Variants in TRDN observed in about 807,000 individuals in gnomAD.
TRDN encodes triadin in skeletal muscle.
A neutral mutation model predicts 149.7 loss-of-function variants in TRDN; 161 were observed. That is an observed-to-expected ratio of 1.08 (90% CI 0.95 to 1.23). The LOEUF (loss-of-function observed/expected upper bound fraction) is 1.23, where lower values mean the gene tolerates loss of function less well. Ranked by LOEUF, TRDN falls within the 50% of genes most tolerant of loss-of-function variation. TRDN has a pLI of 0.00. For synonymous variants in TRDN, 294 were observed against 250.5 expected (o/e 1.17, Z -1.64); for missense variants, 896 against 823.5 (o/e 1.09, Z -1.08).
intron 2 of TRDN, among the ~76,000 whole-genome samples, chr6:123,560,150 G>A (rs989043559): frequency 2.0e-5 from 3 of 152,168 alleles, no homozygotes; most frequent in African/African-American, 7.2e-5. Flanking sequence ...AATACTTTTA[G>A]AGACCCTCAA....
chr6:123,605,463 C>T (rs1396485421), intron 1 of TRDN, among the ~76,000 whole-genome samples: 2 of 151,632 alleles, frequency 1.3e-5, no homozygotes, highest in African/African-American at 4.8e-5. Context: ...TGATTCAAGA[C>T]GGTTTAGTGA....
chr6:123,227,682 C>T lies in TRDN; in HGVS notation c.1976-3551G>A, dbSNP rs1296200675. Among the ~76,000 whole-genome samples, 4 of 151,918 alleles carry T rather than the reference C, an allele frequency of 2.6e-5. No homozygotes were observed. The South Asian group carries it at 6.2e-4, about 24-fold the overall frequency. ...TTAAGTTATTTCATATGTGTTAACA[C>T]GTTTGATCCTGAACAACAACCATAT... On this transcript the variant is annotated intron_variant, in intron 38 of 40. Transcript: ENST00000334268.
At chr6:123,450,261 C>T (rs1228090951) in intron 10 of TRDN, among the ~76,000 whole-genome samples, 1 of 152,114 alleles carries the variant, frequency 6.6e-6, no homozygotes. Flanking sequence ...TGTAAACGGC[C>T]TAAATGCTCC....
chr6:123,499,699 G>T (rs1778598161), intron 8 of TRDN, among the ~76,000 whole-genome samples: 1 of 9,904 alleles, frequency 1.0e-4, no homozygotes, highest in Non-Finnish European at 2.3e-4. Context: ...GTGAGATTCT[G>T]GCTCAAAAAA....
At chr6:123,339,930 A>G (rs1269358166) in intron 21 of TRDN, among the ~76,000 whole-genome samples, 1 of 152,172 alleles carries the variant, frequency 6.6e-6, no homozygotes, top group African/African-American at 2.4e-5. Context: ...AATACAGATT[A>G]TGATCAAAAT....
At chr6:123,348,198 G>T (rs924514702) in intron 21 of TRDN, among the ~76,000 whole-genome samples, 1 of 151,962 alleles carries the variant, frequency 6.6e-6, no homozygotes, top group African/African-American at 2.4e-5. Flanking sequence ...TTAAAGCATT[G>T]CTTTACAACT....
chr6:123,249,677 A>G (rs1776307405), intron 38 of TRDN, among the ~76,000 whole-genome samples: 2 of 152,182 alleles, frequency 1.3e-5, no homozygotes, highest in African/African-American at 2.4e-5. Context: ...AATAACTGAA[A>G]CAGAAAATCA....
intron 23 of TRDN, among the ~76,000 whole-genome samples, chr6:123,317,392 C>T (rs1410322921): frequency 6.6e-6 from 1 of 151,848 alleles, no homozygotes; most frequent in East Asian, 1.9e-4. Flanking sequence ...ATGCTACCAG[C>T]TTTATTTGGG....
At chr6:123,243,066 C>T (rs931228601) in intron 38 of TRDN, among the ~76,000 whole-genome samples, 3 of 152,006 alleles carry the variant, frequency 2.0e-5, no homozygotes, top group Non-Finnish European at 2.9e-5. Flanking sequence ...TCATGATGTG[C>T]CCCGAAGACA....
intron 12 of TRDN, among the ~76,000 whole-genome samples, chr6:123,408,666 G>T (rs1330416932): frequency 2.9e-5 from 4 of 138,692 alleles, no homozygotes; most frequent in Admixed American, 1.5e-4. Flanking sequence ...GGACAAGAGT[G>T]AGACTTTTTC....
chr6:123,281,544 T>C (rs961790646), intron 24 of TRDN, among the ~76,000 whole-genome samples: 1 of 152,094 alleles, frequency 6.6e-6, no homozygotes, highest in Non-Finnish European at 1.5e-5. Context: ...CATAGTCATA[T>C]TTCTTTCTGA....
intron 1 of TRDN, among the ~76,000 whole-genome samples, chr6:123,628,791 G>T (rs545169253): frequency 1.3e-5 from 2 of 151,992 alleles, no homozygotes; most frequent in African/African-American, 2.4e-5. Flanking sequence ...TGTCCACATT[G>T]TCAGGCATTC....
Position 123,591,402 on chromosome 6 carries a change from C to T in TRDN, c.23-20270G>A, listed in dbSNP as rs569744137. The stretch of plus-strand genomic sequence containing the variant: ...CTGGGATTACAGGCATGCCCCACCA[C>T]GCCCAGCTAATTTTTGTATTTTTAG... On this transcript the variant is annotated intron_variant, in intron 1 of 40. Transcript: ENST00000334268. Among the ~76,000 whole-genome samples, 45 of 152,192 alleles carry T rather than the reference C, an allele frequency of 3.0e-4. 1 individual carries two copies. Among genetic ancestry groups the T allele is most frequent in the Non-Finnish European group, 4.9e-4 (33 of 68,004 alleles).
chr6:123,303,166 G>A (rs1411258415), intron 24 of TRDN, among the ~76,000 whole-genome samples: 2 of 152,084 alleles, frequency 1.3e-5, no homozygotes, highest in East Asian at 3.9e-4. Flanking sequence ...CATATCAATT[G>A]TCCCAGAGCT....
chr6:123,312,811 T>A (rs1778876594), intron 24 of TRDN, among the ~76,000 whole-genome samples: 1 of 152,032 alleles, frequency 6.6e-6, no homozygotes, highest in Non-Finnish European at 1.5e-5. Context: ...TAGCCATCTT[T>A]CGATAGCTCA....
chr6:123,222,053 C>T (rs577405551), intron 39 of TRDN, among the ~76,000 whole-genome samples: 27 of 151,752 alleles, frequency 1.8e-4, no homozygotes, highest in South Asian at 1.5e-3. Flanking sequence ...TAATATCCAT[C>T]GCAAATTTAT....
intron 4 of TRDN, among the ~76,000 whole-genome samples, chr6:123,538,150 C>T (rs1389869784): frequency 1.3e-5 from 2 of 152,096 alleles, no homozygotes; most frequent in African/African-American, 2.4e-5. Context: ...AAGAATGCCT[C>T]TCATTATGTT....
chr6:123,632,974 C>T (rs983863660), intron 1 of TRDN, among the ~76,000 whole-genome samples: 2 of 151,644 alleles, frequency 1.3e-5, no homozygotes, highest in Non-Finnish European at 2.9e-5. Context: ...ATCAAATCTT[C>T]TCATAGGTTT....
chr6:123,502,700 A>T (rs1778750020), intron 8 of TRDN: 1 of 983,964 alleles, frequency 1.0e-6, no homozygotes, highest in African/African-American at 1.7e-5. Flanking sequence ...TAAAATTGTA[A>T]GATTTCTTAA....
Sources: gnomAD v4.1 joint callset for allele counts (sites outside exome capture counted in the v4.1 genomes callset) on GRCh38, gnomAD v4.1.1 for gene constraint, MANE v1.5 for transcripts, NCBI Gene and HGNC (gene_info 2026-07-23, HGNC 2026-07-21) for gene names.